DGKB: variants seen among roughly 807,000 people sequenced by gnomAD.
DGKB encodes the protein diacylglycerol kinase beta.
Under a neutral mutation model 114.3 loss-of-function variants are expected in DGKB, and 67 were observed. The observed-to-expected ratio is 0.59, with a 90% CI of 0.48 to 0.72. The LOEUF (loss-of-function observed/expected upper bound fraction) is 0.72, where lower values mean the gene tolerates loss of function less well. DGKB is among the 30% of genes least tolerant of loss of function. The pLI, the probability that DGKB is intolerant of heterozygous loss-of-function variation, is 0.00. For synonymous variants in DGKB, 398 were observed against 323.1 expected (o/e 1.23, Z -2.49); for missense variants, 907 against 975.2 (o/e 0.93, Z 0.93).
rs1046082209 is a variant in DGKB, at chr7:14,874,374, G to A, written c.-188+28218C>T. Among the ~76,000 whole-genome samples, 5 of 152,086 alleles carry A rather than the reference G, an allele frequency of 3.3e-5. No homozygotes were observed. In the East Asian group the frequency reaches 9.7e-4, roughly 29 times the overall value. On this transcript the variant is annotated intron_variant, in intron 1 of 25. Transcript: ENST00000402815. ...GATAGCTTAGCATTGGAAACAGCAT[G>A]CATTTTCCACATTTCAGATTAATCC...
At chr7:14,690,042 C>A (rs1167795606) in intron 9 of DGKB, among the ~76,000 whole-genome samples, 1 of 152,144 alleles carries the variant, frequency 6.6e-6, no homozygotes, top group Admixed American at 6.6e-5. Flanking sequence ...GTACAACAAT[C>A]CACAATAACA....
intron 20 of DGKB, among the ~76,000 whole-genome samples, chr7:14,491,505 T>C (rs907950459): frequency 5.9e-5 from 9 of 152,154 alleles, no homozygotes; most frequent in Non-Finnish European, 8.8e-5. Flanking sequence ...TATGGATTAC[T>C]GGATAATTCA....
chr7:14,645,004 T>G lies in DGKB; in HGVS notation c.1135-14736A>C, dbSNP rs540053058. Among the ~76,000 whole-genome samples, 3 of 152,280 alleles carry G rather than the reference T, an allele frequency of 2.0e-5. No homozygotes were observed. The East Asian group carries it at 5.8e-4, about 29-fold the overall frequency. On this transcript the variant is annotated intron_variant, in intron 13 of 25. Coordinates refer to ENST00000402815, the MANE Select transcript of DGKB (RefSeq NM_001350709.2). ...TGAAAACCAAGCTGCCAGTTCCAGATAGACTCCACAACTGGCATGAGAACT... is the reference window on the plus strand; with the variant it reads ...TGAAAACCAAGCTGCCAGTTCCAGAGAGACTCCACAACTGGCATGAGAACT...
chr7:14,517,636 T>G (rs1373357976), intron 20 of DGKB, among the ~76,000 whole-genome samples: 1 of 151,294 alleles, frequency 6.6e-6, no homozygotes, highest in Non-Finnish European at 1.5e-5. Context: ...AACACCTCAT[T>G]AAAAAGTGGG....
chr7:14,652,245 A>T (rs1814699467), intron 13 of DGKB, among the ~76,000 whole-genome samples: 1 of 152,076 alleles, frequency 6.6e-6, no homozygotes, highest in Middle Eastern at 3.2e-3. Flanking sequence ...CCTGACTTCA[A>T]ACTATACTAC....
At chr7:14,697,768 G>GAAAGAAAGAAAC (rs1554604595) in intron 8 of DGKB, among the ~76,000 whole-genome samples, 3 of 121,432 alleles carry the variant, frequency 2.5e-5, no homozygotes, top group African/African-American at 1.2e-4. Context: ...AAGAAAGAAA[G>GAAAGAAAGAAAC]AAACAAAGAG....
At chr7:14,952,734 G>A (rs1226393647) in intron 1 of DGKB, among the ~76,000 whole-genome samples, 1 of 151,944 alleles carries the variant, frequency 6.6e-6, no homozygotes, top group Non-Finnish European at 1.5e-5. Context: ...ACTCCAGCCT[G>A]GGTGACAAAG....
chr7:14,234,068 C>T (rs528518583), intron 23 of DGKB, among the ~76,000 whole-genome samples: 86 of 152,206 alleles, frequency 5.7e-4, no homozygotes, highest in Non-Finnish European at 9.9e-4. Flanking sequence ...CCCTTCTGAG[C>T]TACAAACCTC....
At chr7:14,395,092 T>C (rs1405191722) in intron 21 of DGKB, among the ~76,000 whole-genome samples, 6 of 152,140 alleles carry the variant, frequency 3.9e-5, no homozygotes, top group Non-Finnish European at 8.8e-5. Context: ...TTGTCAAGGT[T>C]ATTTTGTGCT....
intron 23 of DGKB, among the ~76,000 whole-genome samples, chr7:14,212,100 A>G (rs866526641): frequency 0.02 from 22 of 1,110 alleles, no homozygotes; most frequent in South Asian, 0.05. Flanking sequence ...TTTTACTCTC[A>G]TGTTTTGTGA....
chr7:14,956,317 G>C (rs1456730445), intron 1 of DGKB, among the ~76,000 whole-genome samples: 1 of 151,852 alleles, frequency 6.6e-6, no homozygotes, highest in Non-Finnish European at 1.5e-5. Context: ...TGACTCCTAT[G>C]TCCACATAGT....
intron 1 of DGKB, among the ~76,000 whole-genome samples, chr7:14,938,138 C>G (rs1446871808): frequency 1.3e-5 from 2 of 152,200 alleles, no homozygotes; most frequent in Admixed American, 6.5e-5. Flanking sequence ...GTACACATCT[C>G]TGTGTGTGCC....
At chr7:14,851,819 A>G (rs1229455990) in intron 1 of DGKB, among the ~76,000 whole-genome samples, 2 of 152,198 alleles carry the variant, frequency 1.3e-5, no homozygotes, top group Non-Finnish European at 2.9e-5. Flanking sequence ...TAAGTGTAAC[A>G]GGAAACAGCC....
At chr7:14,963,286 A>G (rs1233651523) in intron 1 of DGKB, among the ~76,000 whole-genome samples, 1 of 152,164 alleles carries the variant, frequency 6.6e-6, no homozygotes, top group African/African-American at 2.4e-5. Context: ...GAAGGACAAA[A>G]TAAATACACA....
At chr7:14,367,609 C>T (rs1346935377) in intron 21 of DGKB, among the ~76,000 whole-genome samples, 1 of 151,922 alleles carries the variant, frequency 6.6e-6, no homozygotes, top group Non-Finnish European at 1.5e-5. Flanking sequence ...CTAGGCTAAG[C>T]TACGATGCTT....
At chr7:14,245,493 T>A (rs1323002056) in intron 23 of DGKB, among the ~76,000 whole-genome samples, 1 of 152,178 alleles carries the variant, frequency 6.6e-6, no homozygotes, top group African/African-American at 2.4e-5. Context: ...GTATGGAGCC[T>A]GTCTCCAAGC....
chr7:14,210,815 C>G (rs546407784), intron 23 of DGKB, among the ~76,000 whole-genome samples: 32 of 152,152 alleles, frequency 2.1e-4, no homozygotes, highest in African/African-American at 5.3e-4. Flanking sequence ...ACCTACCTTT[C>G]CTCTCTGCTT....
chr7:14,735,119 C>A (rs1046076762), intron 5 of DGKB, among the ~76,000 whole-genome samples: 2 of 152,196 alleles, frequency 1.3e-5, no homozygotes. Context: ...CCAACAAAAG[C>A]ACAATGAGCT....
intron 1 of DGKB, among the ~76,000 whole-genome samples, chr7:14,874,838 A>C (rs1228387440): frequency 6.6e-6 from 1 of 152,176 alleles, no homozygotes; most frequent in African/African-American, 2.4e-5. Flanking sequence ...GTTTTAGATC[A>C]CATAGTCCCC....
Sources: gnomAD v4.1 joint callset for allele counts (sites outside exome capture counted in the v4.1 genomes callset) on GRCh38, gnomAD v4.1.1 for gene constraint, MANE v1.5 for transcripts, NCBI Gene and HGNC (gene_info 2026-07-23, HGNC 2026-07-21) for gene names.